RTTN: variants seen among roughly 807,000 people sequenced by gnomAD.
RTTN encodes the protein rotatin.
A neutral mutation model predicts 269.2 loss-of-function variants in RTTN; 182 were observed. The observed-to-expected ratio is 0.68, with a 90% CI of 0.60 to 0.76. The LOEUF (loss-of-function observed/expected upper bound fraction) is 0.76, where lower values mean the gene tolerates loss of function less well. RTTN is among the 30% of genes least tolerant of loss of function. The pLI is 0.00. For missense variants in RTTN, 2,545 were observed against 2,608.6 expected (o/e 0.98, Z 0.53); for synonymous variants, 1,006 against 963.5 (o/e 1.04, Z -0.82).
chr18:70,169,467 A>G (rs991489293), intron 11 of RTTN, among the ~76,000 whole-genome samples: 6 of 152,304 alleles, frequency 3.9e-5, no homozygotes, highest in South Asian at 4.1e-4. Context: ...AACTGAAGAC[A>G]AGAACACTTC....
At position 70,147,951 on chromosome 18, in the gene RTTN, A is replaced by ATT. The variant is rs1197806208; in HGVS notation, c.2309+949_2309+950insAA. Reference sequence around the variant, plus strand: ...GAAGACAACCCCTGAGAACACAAGCACGTTAACTCCCTCTGCCCTACTTCT... The same window carrying ATT: ...GAAGACAACCCCTGAGAACACAAGCATTCGTTAACTCCCTCTGCCCTACTTCT... On this transcript the variant is annotated intron_variant, in intron 17 of 48. Transcript: ENST00000640769. 2.7e-3 allele frequency among the ~76,000 whole-genome samples: 405 copies of ATT among 152,178 alleles called. 1 individual carries two copies. The highest frequency in any genetic ancestry group is 4.6e-3 in the Non-Finnish European group (316 of 68,010).
At chr18:70,197,477 C>T (rs572385112) in intron 6 of RTTN, 147 bp downstream of exon 6, 11 of 653,084 alleles carry the variant, frequency 1.7e-5, no homozygotes, top group East Asian at 5.6e-5. Context: ...CCCAAGTTAG[C>T]GAATAAGTGC....
At chr18:70,054,988 C>T (rs1242369240) in intron 37 of RTTN, among the ~76,000 whole-genome samples, 1 of 152,000 alleles carries the variant, frequency 6.6e-6, no homozygotes, top group Non-Finnish European at 1.5e-5. Context: ...GGGAAGCTAG[C>T]CTAGTTATTG....
Position 70,078,866 on chromosome 18 carries a change from G to A in RTTN, c.4375-3325C>T, listed in dbSNP as rs1342164920. Among the ~76,000 whole-genome samples, 3 of 152,072 alleles carry A rather than the reference G, an allele frequency of 2.0e-5. No homozygotes were observed. The East Asian group carries it at 5.8e-4, about 29-fold the overall frequency. On this transcript the variant is annotated intron_variant, in intron 32 of 48. Coordinates refer to ENST00000640769, the MANE Select transcript of RTTN (RefSeq NM_173630.4). ...AGAGGAAAGACTGAAGAAAGGACAGGTACAATCTCAGCCATGTCTTACTCA... is the reference window on the plus strand; with the variant it reads ...AGAGGAAAGACTGAAGAAAGGACAGATACAATCTCAGCCATGTCTTACTCA...
chr18:70,036,828 A>T (rs1017641518), intron 40 of RTTN, among the ~76,000 whole-genome samples: 2 of 152,214 alleles, frequency 1.3e-5, no homozygotes, highest in Non-Finnish European at 2.9e-5. Flanking sequence ...GAGAACCAAA[A>T]ATCAGGTGAG....
chr18:70,045,063 C>A (rs915003522), intron 40 of RTTN, among the ~76,000 whole-genome samples: 1 of 152,148 alleles, frequency 6.6e-6, no homozygotes, highest in African/African-American at 2.4e-5. Flanking sequence ...CTGAATATTT[C>A]TTAGAAAATG....
intron 39 of RTTN, among the ~76,000 whole-genome samples, chr18:70,050,758 T>C (rs2057639299): frequency 6.6e-6 from 1 of 151,984 alleles, no homozygotes; most frequent in Non-Finnish European, 1.5e-5. Context: ...AAAGAATGAG[T>C]TCATGTCCTT....
At chr18:70,081,555 GT>G (rs937764966) in intron 32 of RTTN, among the ~76,000 whole-genome samples, 1 of 152,020 alleles carries the variant, frequency 6.6e-6, no homozygotes, top group Non-Finnish European at 1.5e-5. Flanking sequence ...CACTTCTATG[GT>G]TTTTCTGCCA....
chr18:70,181,479 A>AT (rs1350368921), intron 10 of RTTN, among the ~76,000 whole-genome samples: 2 of 152,048 alleles, frequency 1.3e-5, no homozygotes, highest in Non-Finnish European at 2.9e-5. Context: ...TGGTGAAAAT[A>AT]TTTTTTCTTT....
rs562037507 is a variant in RTTN, at chr18:70,162,093, G to C, written c.1929+3969C>G. ...CTGCAGCATTACTCACAATAGCAAA[G>C]ACATGGGATCAACCTAGATGCCCAT... On this transcript the variant is annotated intron_variant, in intron 14 of 48. Coordinates refer to ENST00000640769, the MANE Select transcript of RTTN (RefSeq NM_173630.4). 7.9e-5 allele frequency among the ~76,000 whole-genome samples: 12 copies of C among 152,200 alleles called. No homozygotes were observed. The South Asian group carries it at 2.3e-3, about 29-fold the overall frequency.
chr18:70,147,277 T>A (rs1445693628), intron 17 of RTTN, among the ~76,000 whole-genome samples: 3 of 152,220 alleles, frequency 2.0e-5, no homozygotes, highest in Admixed American at 6.5e-5. Context: ...TATATTACTA[T>A]ATTTTTCTAA....
chr18:70,051,654 G>GT lies in RTTN; in HGVS notation c.5186-107dup, dbSNP rs1429134137. 4.2e-6 allele frequency: 3 copies of GT among 715,200 alleles called. No individual in the cohort carries two copies. In the African/African-American group the frequency reaches 5.5e-5, roughly 13 times the overall value. 44.3% of individuals were successfully genotyped at this position (715,200 alleles called of 1,614,324 possible). On this transcript the variant is annotated intron_variant, in intron 38 of 48. Transcript: ENST00000640769. ...CGCTTCATTACACTTAAAATGAGGG[G>GT]TGTGCACTTATCAAATGAAGACAAA...
chr18:70,197,535 C>A lies in RTTN; in HGVS notation c.693+89G>T, dbSNP rs544371581. 6 of 769,730 alleles carry A rather than the reference C, an allele frequency of 7.8e-6. No individual in the cohort carries two copies. In the South Asian group the frequency reaches 8.9e-5, roughly 11 times the overall value. The allele number at this position is 769,730 out of a possible 1,614,324, so 47.7% of individuals were successfully genotyped here. A position where few individuals can be genotyped will look rare whatever the true frequency, so the allele number is the denominator to read the frequency against. The stretch of plus-strand genomic sequence containing the variant: ...TTTTTAAAAACATGAGTACAAAGTT[C>A]CTTCCCAAGAACTCCTACTCTGCAA... On this transcript the variant is annotated intron_variant, in intron 6 of 48. Coordinates refer to ENST00000640769, the MANE Select transcript of RTTN (RefSeq NM_173630.4).
At chr18:70,190,754 G>A (rs1359347739) in intron 8 of RTTN, 35 bp from the exon 9 acceptor site, 3 of 1,490,452 alleles carry the variant, frequency 2.0e-6, no homozygotes, top group Admixed American at 3.4e-5. Context: ...CTTGCATACA[G>A]AAACAATCCC....
intron 22 of RTTN, among the ~76,000 whole-genome samples, 194 bp downstream of exon 22, chr18:70,134,990 A>C (rs1488603054): frequency 6.6e-6 from 1 of 152,200 alleles, no homozygotes; most frequent in African/African-American, 2.4e-5. Flanking sequence ...TTTAAAAATA[A>C]AATTTGAGAT....
At chr18:70,140,963 C>A (rs1384544080) in intron 19 of RTTN, among the ~76,000 whole-genome samples, 3 of 151,910 alleles carry the variant, frequency 2.0e-5, no homozygotes, top group Admixed American at 1.3e-4. Context: ...ATCATTGTAA[C>A]AATCTTTAGC....
chr18:70,201,926 A>C lies in RTTN; in HGVS notation c.455T>G (p.Phe152Cys), dbSNP rs200733637. ...TCGTGGCGGCACTTCCATCTGCTGG[A>C]AATTACTTTTGTCTTGGGGAAAATA... ...TGYFPQDKSNFQQMEVPPRPV... is the reference protein window; with the variant it reads ...TGYFPQDKSNCQQMEVPPRPV... The change falls in exon 4 of 49, where the codon TTC (phenylalanine) becomes TGC (cysteine). Residue 152 changes from phenylalanine (F) to cysteine (C), a missense_variant. Physicochemically the swap from Phe to Cys is radical, Grantham distance 205. Transcript: ENST00000640769. The C allele has an allele frequency of 1.4e-4, 226 of 1,612,594 alleles. No individual in the cohort carries two copies. Among genetic ancestry groups the C allele is most frequent in the Non-Finnish European group, 1.9e-4 (219 of 1,178,872 alleles).
At chr18:70,086,510 GTA>G (rs2145183448) in intron 32 of RTTN, 101 bp downstream of exon 32, 1 of 949,224 alleles carries the variant, frequency 1.1e-6, no homozygotes, top group East Asian at 2.4e-5. Context: ...TTGCTGTCTT[GTA>G]TATAGTTTCA....
At chr18:70,149,911 A>T in intron 16 of RTTN, 60 bp downstream of exon 16, 2 of 1,180,906 alleles carry the variant, frequency 1.7e-6, no homozygotes, top group Non-Finnish European at 1.3e-6. Context: ...GCATGCATTT[A>T]AATCAATCAC....
Sources: gnomAD v4.1 joint callset for allele counts (sites outside exome capture counted in the v4.1 genomes callset) on GRCh38, gnomAD v4.1.1 for gene constraint, MANE v1.5 for transcripts, NCBI Gene and HGNC (gene_info 2026-07-23, HGNC 2026-07-21) for gene names.